SMARCA4: variants seen among roughly 807,000 people sequenced by gnomAD.
SMARCA4 encodes the protein SWI/SNF-related matrix-associated actin-dependent regulator of chromatin subfamily A member 4.
Under a neutral mutation model 193.9 loss-of-function variants are expected in SMARCA4, and 31 were observed. The observed-to-expected ratio is 0.16, with a 90% confidence interval of 0.12 to 0.22. The LOEUF is 0.22. Among genes scored for constraint, SMARCA4 ranks in the 10% least tolerant of loss-of-function variants. The probability of loss-of-function intolerance (pLI) is 1.00; values close to 1 mark genes in which losing one functional copy is unlikely to be tolerated. For missense variants in SMARCA4, 1,148 were observed against 2,296.0 expected (o/e 0.50, Z 10.22); for synonymous variants, 942 against 933.1 (o/e 1.01, Z -0.17).
intron 8 of SMARCA4, among the ~76,000 whole-genome samples, chr19:10,993,795 G>A (rs2086766569): frequency 6.6e-6 from 1 of 151,832 alleles, no homozygotes; most frequent in Non-Finnish European, 1.5e-5. Flanking sequence ...ACAGGTGCCA[G>A]CCACCACGCC....
rs78651797 is a variant in SMARCA4, at chr19:11,044,732, G to A, written c.4424+3172G>A. Among the ~76,000 whole-genome samples, 13 of 152,216 alleles carry A rather than the reference G, an allele frequency of 8.5e-5. 1 individual carries two copies. In the East Asian group the frequency reaches 1.7e-3, roughly 20 times the overall value. On this transcript the variant is annotated intron_variant, in intron 30 of 34. Transcript: ENST00000344626. ...TTTGCTTTGTTTGTTTTTAACCATC[G>A]AACTGCAGAAGATAATATTTTCTGA...
intron 8 of SMARCA4, among the ~76,000 whole-genome samples, chr19:10,992,074 TA>T (rs1410543945): frequency 6.6e-6 from 1 of 152,080 alleles, no homozygotes; most frequent in African/African-American, 2.4e-5. Context: ...TGGTGTAGTG[TA>T]AAATAATCTA....
chr19:11,047,438 T>C (rs2076006721), intron 30 of SMARCA4, among the ~76,000 whole-genome samples: 1 of 149,628 alleles, frequency 6.7e-6, no homozygotes, highest in Admixed American at 6.7e-5. Flanking sequence ...AGATGCAGTC[T>C]CACTCTGTCA....
intron 11 of SMARCA4, 104 bp downstream of exon 11, chr19:10,996,648 T>C (rs2087085005): frequency 5.4e-6 from 6 of 1,101,930 alleles, no homozygotes; most frequent in Admixed American, 1.7e-5. Context: ...AACAATGATA[T>C]GTGATGATGG....
intron 30 of SMARCA4, among the ~76,000 whole-genome samples, chr19:11,052,830 C>A (rs1428471734): frequency 6.6e-6 from 1 of 152,178 alleles, no homozygotes; most frequent in Non-Finnish European, 1.5e-5. Flanking sequence ...CTGGCCTTTC[C>A]TTTTCATCTT....
intron 1 of SMARCA4, among the ~76,000 whole-genome samples, chr19:10,968,112 A>G (rs2084382410): frequency 6.6e-6 from 1 of 151,870 alleles, no homozygotes; most frequent in South Asian, 2.1e-4. Context: ...CAGCCTCCCA[A>G]AGTGCTGGGA....
chr19:10,970,593 A>G (rs1362173006), intron 1 of SMARCA4, among the ~76,000 whole-genome samples: 2 of 152,170 alleles, frequency 1.3e-5, no homozygotes, highest in African/African-American at 2.4e-5. Context: ...AATTTTTTGT[A>G]GAGACAGGGT....
At chr19:10,978,235 C>T (rs1291560342) in intron 1 of SMARCA4, among the ~76,000 whole-genome samples, 2 of 152,168 alleles carry the variant, frequency 1.3e-5, no homozygotes, top group African/African-American at 2.4e-5. Flanking sequence ...CATGACCTTA[C>T]GGTAGACGAG....
In SMARCA4 at chr19:11,034,914, C is replaced by A; in HGVS notation, c.3952C>A (p.Arg1318Ser). 6.4e-7 allele frequency: 1 copy of A among 1,557,856 alleles called. No individual in the cohort carries two copies. The highest frequency in any genetic ancestry group is 8.7e-7 in the Non-Finnish European group (1 of 1,151,626). The change falls in exon 29 of 35, where the codon CGC becomes AGC. Residue 1318 changes from arginine (R) to serine (S), a missense_variant and splice_region_variant. Arg to Ser is a moderately radical substitution (Grantham distance 110, BLOSUM62 -1). Transcript: ENST00000344626. This position sits in a 1 kb window ranked among gnomAD's most constrained non-coding sequence, Gnocchi z 7.0. The part of the protein sequence containing the change: ...RHEEEFDLFM[R>S]MDLDRRREEA... ...CTCCCGTTGCCTCCCTGCCCACCAG[C>A]GCATGGACCTGGACCGCAGGCGCGA...
intron 19 of SMARCA4, 124 bp downstream of exon 19, chr19:11,022,091 T>C (rs1039384188): frequency 6.9e-7 from 1 of 1,443,338 alleles, no homozygotes; most frequent in Non-Finnish European, 9.6e-7. Context: ...AGAGTCTGCA[T>C]CTGCATGGAG....
intron 30 of SMARCA4, among the ~76,000 whole-genome samples, chr19:11,043,499 C>T (rs184288145): frequency 5.1e-4 from 77 of 151,904 alleles, no homozygotes; most frequent in African/African-American, 1.7e-3. Flanking sequence ...ACTTAAAGTG[C>T]GGGATACAGC....
chr19:10,990,691 G>A (rs1471029222), intron 7 of SMARCA4, among the ~76,000 whole-genome samples: 1 of 152,236 alleles, frequency 6.6e-6, no homozygotes, highest in African/African-American at 2.4e-5. Context: ...GGGATTACAG[G>A]CATGAGCCAC....
rs887597260 is a variant in SMARCA4 at position 11,019,373 on chromosome 19, G to A, written c.2506-218G>A. Reference sequence around the variant, plus strand: ...GTGGTTCCCTCAGGCCCCGGCCGCCGCTGGCCTGCACTGCTTCCTCTTCCC... The same window carrying A: ...GTGGTTCCCTCAGGCCCCGGCCGCCACTGGCCTGCACTGCTTCCTCTTCCC... On this transcript the variant is annotated intron_variant, in intron 17 of 34. Transcript: ENST00000344626. This position sits in a 1 kb window ranked among gnomAD's most constrained non-coding sequence, Gnocchi z 6.1. The A allele has an allele frequency of 9.8e-6, 6 of 609,412 alleles. No homozygotes were observed. Among genetic ancestry groups the A allele is most frequent in the East Asian group, 2.8e-5 (1 of 36,340 alleles). The allele number at this position is 609,412 out of a possible 1,614,324, so 37.8% of individuals were successfully genotyped here. A position where few individuals can be genotyped will look rare whatever the true frequency, so the allele number is the denominator to read the frequency against.
At position 11,016,211 on chromosome 19, in the gene SMARCA4, C is replaced by T. The variant is rs541387626; in HGVS notation, c.2439-2746C>T. Among the ~76,000 whole-genome samples, 4 of 152,144 alleles carry T rather than the reference C, an allele frequency of 2.6e-5. No individual in the cohort carries two copies. The East Asian group carries it at 7.7e-4, about 29-fold the overall frequency. ...ATAGCTCCCACGAGAGTTCAGAGAGCAGGAACTCATTCATCCCCCATCCCC... is the reference window on the plus strand; with the variant it reads ...ATAGCTCCCACGAGAGTTCAGAGAGTAGGAACTCATTCATCCCCCATCCCC... On this transcript the variant is annotated intron_variant, in intron 16 of 34. Transcript: ENST00000344626.
Position 11,004,532 on chromosome 19 carries a change from C to G in SMARCA4, c.2001+1135C>G, listed in dbSNP as rs769710164. ...TCCCAAAGTATTGGGATTACAGGCA[C>G]GAACCAGTGCGTCAAAGTCTGTTCT... On this transcript the variant is annotated intron_variant, in intron 13 of 34. Coordinates refer to ENST00000344626, the MANE Select transcript of SMARCA4 (RefSeq NM_003072.5). Among the ~76,000 whole-genome samples the G allele has an allele frequency of 2.0e-5, 3 of 152,012 alleles. No homozygotes were observed. In the South Asian group the frequency reaches 6.2e-4, roughly 31 times the overall value.
At position 11,034,256 on chromosome 19, in the gene SMARCA4, G is replaced by C. The variant is rs2075126910; in HGVS notation, c.3951+56G>C. 7.3e-7 allele frequency: 1 copy of C among 1,368,908 alleles called. No individual in the cohort carries two copies. Among genetic ancestry groups the C allele is most frequent in the South Asian group, 1.2e-5 (1 of 86,098 alleles). The allele number at this position is 1,368,908 out of a possible 1,614,324, so 84.8% of individuals were successfully genotyped here. A position where few individuals can be genotyped will look rare whatever the true frequency, so the allele number is the denominator to read the frequency against. Reference sequence around the variant, plus strand: ...AGGCATCCCACTCTGCTGCCACCAGGAGCAAAGCAGACGTCCTAGTGCCCA... The same window carrying C: ...AGGCATCCCACTCTGCTGCCACCAGCAGCAAAGCAGACGTCCTAGTGCCCA... On this transcript the variant is annotated intron_variant, in intron 28 of 34. Coordinates refer to ENST00000344626, the MANE Select transcript of SMARCA4 (RefSeq NM_003072.5). The surrounding 1 kb of genome is among the most constrained non-coding windows in gnomAD (Gnocchi z 7.0).
intron 1 of SMARCA4, among the ~76,000 whole-genome samples, chr19:10,972,834 G>C (rs1208214106): frequency 6.6e-6 from 1 of 152,204 alleles, no homozygotes; most frequent in East Asian, 1.9e-4. Context: ...ATAGGGGCCG[G>C]GCACAGTGGC....
At chr19:11,054,552 T>C (rs2076436285) in intron 30 of SMARCA4, among the ~76,000 whole-genome samples, 1 of 152,180 alleles carries the variant, frequency 6.6e-6, no homozygotes, top group Non-Finnish European at 1.5e-5. Context: ...CCAGCACTTT[T>C]GGGAGGCCAA....
chr19:11,020,477 C>A (rs1407308542), intron 18 of SMARCA4: 1 of 151,342 alleles, frequency 6.6e-6, no homozygotes, highest in African/African-American at 2.4e-5. Flanking sequence ...GTGATGTGAT[C>A]ACAGCTCACT....
Sources: gnomAD v4.1 joint callset for allele counts (sites outside exome capture counted in the v4.1 genomes callset) on GRCh38, gnomAD v4.1.1 for gene constraint, Gnocchi (gnomAD v3.1) non-coding constraint, MANE v1.5 for transcripts, NCBI Gene and HGNC (gene_info 2026-07-23, HGNC 2026-07-21) for gene names.